Variants in SNTG1 observed in about 807,000 individuals in gnomAD.
The protein encoded by SNTG1 is gamma-1-syntrophin.
A neutral mutation model predicts 74.7 loss-of-function variants in SNTG1; 39 were observed. The observed-to-expected ratio is 0.52, with a 90% CI of 0.40 to 0.68. The LOEUF (loss-of-function observed/expected upper bound fraction) is 0.68. SNTG1 is among the 30% of genes least tolerant of loss of function. The pLI, the probability that SNTG1 is intolerant of heterozygous loss-of-function variation, is 0.00. For synonymous variants in SNTG1, 254 were observed against 217.1 expected, an observed-to-expected ratio of 1.17 and a Z score of -1.49; for missense variants, 685 against 609.5, an observed-to-expected ratio of 1.12 and a Z score of -1.30.
intron 9 of SNTG1, among the ~76,000 whole-genome samples, chr8:50,515,201 T>C (rs567258777): frequency 1.4e-4 from 21 of 152,038 alleles, no homozygotes; most frequent in Admixed American, 3.9e-4. Flanking sequence ...AAAGGGAATA[T>C]AGCAATAAAA....
chr8:50,604,604 G>A (rs1585821963), intron 13 of SNTG1, among the ~76,000 whole-genome samples: 1 of 151,996 alleles, frequency 6.6e-6, no homozygotes, highest in Non-Finnish European at 1.5e-5. Context: ...CAGTGTGCTT[G>A]TGGTGAATGC....
At chr8:50,380,996 A>C (rs1431134401) in intron 2 of SNTG1, 1 of 152,174 alleles carries the variant, frequency 6.6e-6, no homozygotes, top group Non-Finnish European at 1.5e-5. Context: ...TAGTCTAGAC[A>C]GGCTTCCTTA....
chr8:50,240,532 A>T (rs768975075), intron 2 of SNTG1, among the ~76,000 whole-genome samples: 3 of 152,202 alleles, frequency 2.0e-5, no homozygotes, highest in Admixed American at 1.3e-4. Flanking sequence ...AACTAAACCT[A>T]TCACAAGATT....
intron 2 of SNTG1, among the ~76,000 whole-genome samples, chr8:50,273,491 C>T (rs2087902130): frequency 6.6e-6 from 1 of 152,108 alleles, no homozygotes; most frequent in South Asian, 2.1e-4. Context: ...AGAAATAAAA[C>T]ATATGATAAC....
rs187725269 is a variant in SNTG1 at position 50,156,343 on chromosome 8, C to T, written c.-102-16218C>T. On this transcript the variant is annotated intron_variant, in intron 1 of 18. Coordinates refer to ENST00000642720, the MANE Select transcript of SNTG1 (RefSeq NM_018967.5). ...GCAGAATGAAAATGTATTAAAATTA[C>T]GGATCTATAACGCTTATGATCACGG... Among the ~76,000 whole-genome samples the T allele has an allele frequency of 2.9e-3, 445 of 152,074 alleles. 1 individual carries two copies. The highest frequency in any genetic ancestry group is 6.8e-3 in the Middle Eastern group (2 of 294).
At chr8:50,125,254 A>G (rs1480110354) in intron 1 of SNTG1, among the ~76,000 whole-genome samples, 1 of 142,758 alleles carries the variant, frequency 7.0e-6, no homozygotes, top group Non-Finnish European at 1.6e-5. Flanking sequence ...ATCCCAGCTA[A>G]GAATATAAGC....
intron 1 of SNTG1, among the ~76,000 whole-genome samples, chr8:49,930,392 G>C (rs948032268): frequency 6.6e-6 from 1 of 151,934 alleles, no homozygotes; most frequent in African/African-American, 2.4e-5. Flanking sequence ...TCAATATATA[G>C]ATTTTTATTA....
Position 50,762,199 on chromosome 8 carries a change from G to A in SNTG1, c.1395+10088G>A, listed in dbSNP as rs540926758. ...CCAATCTCCAGTAAGTTTTAAGATG[G>A]TACTCAGCGTCTTTGTGAAAAGTTG... On this transcript the variant is annotated intron_variant, in intron 18 of 18. Transcript: ENST00000642720. Among the ~76,000 whole-genome samples, 5 of 152,062 alleles carry A rather than the reference G, an allele frequency of 3.3e-5. No homozygotes were observed. In the South Asian group the frequency reaches 1.0e-3, roughly 32 times the overall value.
intron 1 of SNTG1, among the ~76,000 whole-genome samples, chr8:49,986,620 C>T (rs1813177567): frequency 6.6e-6 from 1 of 151,830 alleles, no homozygotes; most frequent in South Asian, 2.1e-4. Flanking sequence ...TGCCTGTAAT[C>T]CCAGCACTTT....
chr8:50,514,917 T>C (rs2094118391), intron 9 of SNTG1, among the ~76,000 whole-genome samples: 1 of 152,206 alleles, frequency 6.6e-6, no homozygotes, highest in Non-Finnish European at 1.5e-5. Flanking sequence ...TAGGTGCCTA[T>C]ATATATTTAT....
At position 50,475,172 on chromosome 8, in the gene SNTG1, G is replaced by A. The variant is rs189954109; in HGVS notation, c.363+24443G>A. Among the ~76,000 whole-genome samples the A allele has an allele frequency of 1.1e-4, 17 of 151,550 alleles. No individual in the cohort carries two copies. The East Asian group carries it at 2.7e-3, about 24-fold the overall frequency. On this transcript the variant is annotated intron_variant, in intron 8 of 18. Coordinates refer to ENST00000642720, the MANE Select transcript of SNTG1 (RefSeq NM_018967.5). The stretch of plus-strand genomic sequence containing the variant: ...CAGCACACCGACGTGGCACATGTAT[G>A]CATATGTAACAAACCTGCACGTTGT...
At position 50,792,673 on chromosome 8, in the gene SNTG1, G is replaced by T. The variant is rs1284203869; in HGVS notation, c.1398G>T (p.Glu466Asp). 5 of 1,603,872 alleles carry T rather than the reference G, an allele frequency of 3.1e-6. No individual in the cohort carries two copies. In the Admixed American group the frequency reaches 6.8e-5, roughly 22 times the overall value. ...NPDTKQIEAK[E>D]LEFSNLFAVL... ...ACCTGTTTCTCTTTCCCTTTCAGGA[G>T]TTGGAATTTTCTAATTTATTTGCTG... Residue 466 changes from glutamate (E) to aspartate (D), a missense_variant and splice_region_variant, in exon 19 of 19, where the codon GAG becomes GAT. Physicochemically the swap from Glu to Asp is conservative, Grantham distance 45. Transcript: ENST00000642720.
chr8:50,393,187 G>T (rs546062258), intron 2 of SNTG1, among the ~76,000 whole-genome samples: 18 of 152,092 alleles, frequency 1.2e-4, no homozygotes, highest in African/African-American at 4.1e-4. Flanking sequence ...TGATGCATTT[G>T]GTTACTACTG....
At chr8:50,174,091 G>A (rs963726199) in intron 2 of SNTG1, among the ~76,000 whole-genome samples, 2 of 152,182 alleles carry the variant, frequency 1.3e-5, no homozygotes, top group African/African-American at 2.4e-5. Flanking sequence ...TGCGGTGTTT[G>A]GTTTTCTGTT....
intron 13 of SNTG1, among the ~76,000 whole-genome samples, chr8:50,638,453 C>G (rs1274673806): frequency 1.3e-5 from 2 of 151,876 alleles, no homozygotes; most frequent in Non-Finnish European, 2.9e-5. Flanking sequence ...ATTGATTTTC[C>G]TGGATTGCTT....
At chr8:50,325,258 T>C (rs189363937) in intron 2 of SNTG1, among the ~76,000 whole-genome samples, 9 of 151,860 alleles carry the variant, frequency 5.9e-5, no homozygotes, top group African/African-American at 2.2e-4. Flanking sequence ...ATTCAAAATA[T>C]AACTCTCTAA....
chr8:49,928,993 G>A (rs1807304470), intron 1 of SNTG1, among the ~76,000 whole-genome samples: 1 of 151,908 alleles, frequency 6.6e-6, no homozygotes, highest in South Asian at 2.1e-4. Flanking sequence ...ATATAAGAAT[G>A]TAATTAATGA....
chr8:49,916,175 G>T (rs1038313164), intron 1 of SNTG1, among the ~76,000 whole-genome samples: 3 of 17,016 alleles, frequency 1.8e-4, no homozygotes, highest in Non-Finnish European at 8.8e-4. Flanking sequence ...ATATAATTCA[G>T]ATTTTTTTTT....
chr8:50,144,843 A>G (rs532479903), intron 1 of SNTG1, among the ~76,000 whole-genome samples: 2 of 152,306 alleles, frequency 1.3e-5, no homozygotes, highest in South Asian at 4.1e-4. Context: ...AGGGATCAAT[A>G]GTTGTATTTT....
Sources: allele counts gnomAD v4.1 joint callset (sites outside exome capture counted in the v4.1 genomes callset), GRCh38; gene constraint gnomAD v4.1.1; transcripts MANE v1.5; gene names NCBI Gene and HGNC (gene_info 2026-07-23, HGNC 2026-07-21).